The following EDARADD variants were observed in gnomAD, a reference collection of about 807,000 sequenced individuals.
EDARADD encodes the protein EDAR associated via death domain.
EDARADD carries 20 observed loss-of-function variants against 25.6 expected under a neutral mutation model. The ratio of observed to expected loss-of-function variants is 0.78; its 90% CI spans 0.55 to 1.14. The LOEUF (loss-of-function observed/expected upper bound fraction) is 1.14. Among genes scored for constraint, EDARADD ranks in the 50% most tolerant of loss-of-function variants. EDARADD has a pLI of 0.00. For synonymous variants in EDARADD, 86 were observed against 94.4 expected (o/e 0.91, Z 0.52); for missense variants, 225 against 270.1 (o/e 0.83, Z 1.17).
At chr1:236,456,768 A>C (rs1181534505) in intron 4 of EDARADD, among the ~76,000 whole-genome samples, 1 of 119,858 alleles carries the variant, frequency 8.3e-6, no homozygotes, top group African/African-American at 3.2e-5. Flanking sequence ...CACGCTCCCA[A>C]CTCATCCCTG....
intron 3 of EDARADD, among the ~76,000 whole-genome samples, chr1:236,368,494 G>A (rs955729087): frequency 1.4e-5 from 2 of 146,024 alleles, no homozygotes; most frequent in South Asian, 2.2e-4. Context: ...AGGCTGGAGT[G>A]CAGTGGCGCT....
chr1:236,470,990 G>A (rs1659344887), intron 5 of EDARADD, among the ~76,000 whole-genome samples: 1 of 152,160 alleles, frequency 6.6e-6, no homozygotes, highest in South Asian at 2.1e-4. Context: ...TGATTCACCT[G>A]CCTTGGCCTC....
At chr1:236,422,086 G>C (rs983304628) in intron 3 of EDARADD, among the ~76,000 whole-genome samples, 3 of 151,800 alleles carry the variant, frequency 2.0e-5, no homozygotes, top group African/African-American at 7.2e-5. Flanking sequence ...TGTCTCCAGA[G>C]GTTGTGGATT....
chr1:236,427,515 A>C, intron 4 of EDARADD, 65 bp downstream of exon 4: 1 of 1,456,686 alleles, frequency 6.9e-7, no homozygotes, highest in Non-Finnish European at 9.4e-7. Flanking sequence ...ATTTTTTGAG[A>C]TTTATAGAGT....
chr1:236,353,271 T>C (rs1325607232), intron 3 of EDARADD, among the ~76,000 whole-genome samples: 1 of 152,210 alleles, frequency 6.6e-6, no homozygotes, highest in Non-Finnish European at 1.5e-5. Context: ...CTCCCTTATC[T>C]GTATCTGCAC....
chr1:236,446,560 A>G (rs965970215), intron 4 of EDARADD, among the ~76,000 whole-genome samples: 2 of 152,126 alleles, frequency 1.3e-5, no homozygotes, highest in African/African-American at 4.8e-5. Context: ...TCAAGAAAAA[A>G]AAAAAGAGAA....
At chr1:236,441,667 G>A (rs1057499812) in intron 4 of EDARADD, among the ~76,000 whole-genome samples, 1 of 151,478 alleles carries the variant, frequency 6.6e-6, no homozygotes, top group Non-Finnish European at 1.5e-5. Context: ...AGGATTACAG[G>A]CACCCCTCCC....
chr1:236,432,124 A>C (rs889089227), intron 4 of EDARADD, among the ~76,000 whole-genome samples: 3 of 152,176 alleles, frequency 2.0e-5, no homozygotes, highest in African/African-American at 7.2e-5. Context: ...ATGCATAAGC[A>C]TATGGCAAAT....
At chr1:236,375,935 CTTT>C (rs35653732) in intron 3 of EDARADD, among the ~76,000 whole-genome samples, 9 of 120,184 alleles carry the variant, frequency 7.5e-5, no homozygotes, top group Admixed American at 9.3e-5. Flanking sequence ...TTACCTGCAC[CTTT>C]TTTTTTTTTT....
At chr1:236,431,702 A>C (rs1380213672) in intron 4 of EDARADD, among the ~76,000 whole-genome samples, 1 of 110,188 alleles carries the variant, frequency 9.1e-6, no homozygotes, top group African/African-American at 2.6e-5. Context: ...CGGGTGGATC[A>C]TGAGGTCAGG....
At chr1:236,405,482 A>G (rs1036189942) in intron 1 of EDARADD, among the ~76,000 whole-genome samples, 1 of 152,196 alleles carries the variant, frequency 6.6e-6, no homozygotes, top group Non-Finnish European at 1.5e-5. Flanking sequence ...GGAACTCCTC[A>G]TGGTGCAGAG....
At chr1:236,424,606 T>A (rs12561780) in intron 3 of EDARADD, among the ~76,000 whole-genome samples, 18,094 of 152,150 alleles carry the variant, frequency 0.12, 1,184 homozygotes, top group Admixed American at 0.18. Flanking sequence ...CAAATCAGTA[T>A]CATCAGGGGT....
chr1:236,455,026 A>G (rs1261862390), intron 4 of EDARADD, among the ~76,000 whole-genome samples: 1 of 152,146 alleles, frequency 6.6e-6, no homozygotes, highest in African/African-American at 2.4e-5. Flanking sequence ...CTTGGCCAAT[A>G]TGGTGAAACC....
At chr1:236,463,655 G>A (rs931566832) in intron 4 of EDARADD, among the ~76,000 whole-genome samples, 4 of 152,116 alleles carry the variant, frequency 2.6e-5, no homozygotes, top group East Asian at 3.8e-4. Context: ...TTGTGCGACC[G>A]TCACCACCAT....
chr1:236,436,413 C>T (rs1254850183), intron 4 of EDARADD, among the ~76,000 whole-genome samples: 1 of 151,930 alleles, frequency 6.6e-6, no homozygotes, highest in Non-Finnish European at 1.5e-5. Context: ...CTGCCCTCCT[C>T]GGCCTCCCAA....
chr1:236,420,775 T>TC, intron 3 of EDARADD, among the ~76,000 whole-genome samples: 1 of 152,046 alleles, frequency 6.6e-6, no homozygotes, highest in South Asian at 2.1e-4. Flanking sequence ...GGAGTCTCGC[T>TC]CTGTCACCTA....
intron 1 of EDARADD, among the ~76,000 whole-genome samples, chr1:236,404,717 C>T (rs1249377745): frequency 1.3e-5 from 2 of 152,120 alleles, no homozygotes; most frequent in Non-Finnish European, 2.9e-5. Flanking sequence ...GTGGGAGGAT[C>T]GCTTGTGCTT....
intron 3 of EDARADD, among the ~76,000 whole-genome samples, chr1:236,361,712 G>A (rs1237107548): frequency 8.8e-5 from 13 of 147,438 alleles, no homozygotes; most frequent in East Asian, 4.0e-4. Flanking sequence ...AATTATTTTC[G>A]GATTCATCTA....
intron 4 of EDARADD, among the ~76,000 whole-genome samples, chr1:236,467,465 CCT>C (rs1291647198): frequency 6.6e-6 from 1 of 150,402 alleles, no homozygotes; most frequent in African/African-American, 2.5e-5. Context: ...CATACACACA[CCT>C]GTCCAAGATC....
Sources: allele counts gnomAD v4.1 joint callset (sites outside exome capture counted in the v4.1 genomes callset), GRCh38; gene constraint gnomAD v4.1.1; transcripts MANE v1.5; gene names NCBI Gene and HGNC (gene_info 2026-07-23, HGNC 2026-07-21).